DOCK8: variants seen among roughly 807,000 people sequenced by gnomAD.
The protein encoded by DOCK8 is dedicator of cytokinesis protein 8.
A neutral mutation model predicts 245.6 loss-of-function variants in DOCK8; 141 were observed. That is an observed-to-expected ratio of 0.57 (90% CI 0.50 to 0.66). The LOEUF (loss-of-function observed/expected upper bound fraction) is 0.66. Ranked by LOEUF, DOCK8 falls within the 30% of genes least tolerant of loss-of-function variation. DOCK8 has a pLI of 0.00. For missense variants in DOCK8, 2,965 were observed against 2,603.4 expected (o/e 1.14, Z -3.02); for synonymous variants, 1,168 against 970.2 (o/e 1.20, Z -3.79).
intron 44 of DOCK8, 124 bp downstream of exon 44, chr9:446,730 T>C (rs1296533375): frequency 4.7e-6 from 4 of 859,724 alleles, no homozygotes; most frequent in South Asian, 1.4e-5. Context: ...TGAAATATGA[T>C]TATATGGTTG....
At chr9:390,383 A>G in intron 23 of DOCK8, 88 bp from the exon 24 acceptor site, 1 of 1,222,110 alleles carries the variant, frequency 8.2e-7, no homozygotes, top group South Asian at 1.3e-5. Flanking sequence ...AAGCTATTAA[A>G]TTGGGGGGAA....
At chr9:260,902 C>G (rs937119439) in intron 1 of DOCK8, among the ~76,000 whole-genome samples, 1 of 152,144 alleles carries the variant, frequency 6.6e-6, no homozygotes, top group Admixed American at 6.5e-5. Context: ...AGACGACTCT[C>G]AAGTACTGTA....
intron 1 of DOCK8, among the ~76,000 whole-genome samples, chr9:250,489 C>T (rs964810310): frequency 1.3e-5 from 2 of 152,178 alleles, no homozygotes; most frequent in African/African-American, 2.4e-5. Context: ...AAACAAGACC[C>T]TCTGATACCA....
intron 1 of DOCK8, among the ~76,000 whole-genome samples, chr9:252,801 A>AAG (rs2047681761): frequency 6.6e-6 from 1 of 151,894 alleles, no homozygotes; most frequent in African/African-American, 2.4e-5. Context: ...CCATCTCAAA[A>AAG]AAAAAAAAAG....
rs538835600 is a variant in DOCK8, at chr9:243,990, C to A, written c.54-27637C>A. ...ACGAGGTCAGGAGATCGAGACCATC[C>A]TGGCTAACATGGTGAAACCCCGTCT... is the stretch of plus-strand genomic sequence containing the variant. On this transcript the variant is annotated intron_variant, in intron 1 of 47. Transcript: ENST00000432829. Among the ~76,000 whole-genome samples the A allele has an allele frequency of 6.6e-5, 10 of 152,054 alleles. No homozygotes were observed. The South Asian group carries it at 2.1e-3, about 32-fold the overall frequency.
At chr9:393,682 T>C (rs1002692979) in intron 24 of DOCK8, among the ~76,000 whole-genome samples, 1 of 152,164 alleles carries the variant, frequency 6.6e-6, no homozygotes, top group African/African-American at 2.4e-5. Context: ...GGTAAACAGA[T>C]GAAGTTTTTT....
intron 1 of DOCK8, among the ~76,000 whole-genome samples, chr9:223,585 A>G (rs997207774): frequency 7.9e-5 from 12 of 152,090 alleles, no homozygotes; most frequent in African/African-American, 2.2e-4. Flanking sequence ...GGACTGGAGT[A>G]CATTTATTTT....
At chr9:444,558 A>G (rs2131830854) in intron 43 of DOCK8, among the ~76,000 whole-genome samples, 1 of 152,006 alleles carries the variant, frequency 6.6e-6, no homozygotes, top group Middle Eastern at 3.4e-3. Flanking sequence ...GTGTCCAGAG[A>G]TTTTGTTGGG....
intron 4 of DOCK8, among the ~76,000 whole-genome samples, chr9:296,864 C>T (rs2049280245): frequency 6.6e-6 from 1 of 152,200 alleles, no homozygotes; most frequent in South Asian, 2.1e-4. Context: ...TCCAAACCCA[C>T]TAAGACTCTC....
chr9:313,717 A>G lies in DOCK8; in HGVS notation c.741+1551A>G, dbSNP rs151008120. Among the ~76,000 whole-genome samples, 352 of 152,364 alleles carry G rather than the reference A, an allele frequency of 2.3e-3. 1 individual carries two copies. Among genetic ancestry groups the G allele is most frequent in the African/African-American group, 8.3e-3 (344 of 41,580 alleles). On this transcript the variant is annotated intron_variant, in intron 6 of 47. Transcript: ENST00000432829. ...TGACCAGAGTTAATAATAATGTGTT[A>G]CATATTTCAAAACTGCTTTAAAAAA... is the stretch of plus-strand genomic sequence containing the variant.
intron 7 of DOCK8, among the ~76,000 whole-genome samples, chr9:319,531 A>G (rs568287035): frequency 3.3e-5 from 5 of 152,334 alleles, no homozygotes; most frequent in Admixed American, 6.5e-5. Flanking sequence ...GAAAGAAACA[A>G]ATTCTTATAG....
At chr9:310,750 A>G (rs148711334) in intron 5 of DOCK8, among the ~76,000 whole-genome samples, 4 of 152,278 alleles carry the variant, frequency 2.6e-5, no homozygotes, top group East Asian at 1.9e-4. Context: ...CATGAGCCCA[A>G]TATTTTAAAA....
chr9:377,142 T>G lies in DOCK8; in HGVS notation c.2371T>G (p.Phe791Val). The G allele has an allele frequency of 1.2e-6, 2 of 1,607,722 alleles. No homozygotes were observed. The highest frequency in any genetic ancestry group is 8.5e-7 in the Non-Finnish European group (1 of 1,179,744). The change falls in exon 20 of 48, where the codon TTC becomes GTC. Residue 791 changes from phenylalanine (F) to valine (V), a missense_variant. Transcript: ENST00000432829. ...NSSRLEPLVL[F>V]LHLVLDKLFQ... Reference sequence around the variant, plus strand: ...CTCCCGCCTGGAGCCGCTCGTGCTCTTCCTGCACCTGGTGCTGGACAAGCT... The same window carrying G: ...CTCCCGCCTGGAGCCGCTCGTGCTCGTCCTGCACCTGGTGCTGGACAAGCT...
chr9:418,924 A>AAG (rs2056153961), intron 30 of DOCK8, among the ~76,000 whole-genome samples: 1 of 151,542 alleles, frequency 6.6e-6, no homozygotes, highest in Admixed American at 6.6e-5. Flanking sequence ...AGCTTAGCGT[A>AAG]AGGGCTTCTT....
Position 418,052 on chromosome 9 carries a change from G to A in DOCK8, c.3701-16G>A, listed in dbSNP as rs548026622. 104 of 1,614,110 alleles carry A rather than the reference G, an allele frequency of 6.4e-5. 2 individuals carry two copies. The South Asian group carries it at 8.3e-4, about 13-fold the overall frequency. ...TCATGTTTGACTTGACATCACAAAC[G>A]ATGTTTTCATTGCAGTTGCAGATAC... On this transcript the variant is annotated splice_polypyrimidine_tract_variant and intron_variant, in intron 29 of 47. Coordinates refer to ENST00000432829, the MANE Select transcript of DOCK8 (RefSeq NM_203447.4).
At chr9:411,142 G>T (rs933726658) in intron 28 of DOCK8, among the ~76,000 whole-genome samples, 1 of 152,208 alleles carries the variant, frequency 6.6e-6, no homozygotes, top group Admixed American at 6.5e-5. Context: ...GCTGGGCGCA[G>T]TGGCTCATAC....
At chr9:446,128 T>C (rs1204427080) in intron 43 of DOCK8, among the ~76,000 whole-genome samples, 1 of 152,230 alleles carries the variant, frequency 6.6e-6, no homozygotes, top group East Asian at 1.9e-4. Context: ...GCTAGGAAGG[T>C]GCGGCCGGTG....
intron 1 of DOCK8, chr9:267,915 A>G (rs1441416120): frequency 6.6e-6 from 1 of 152,160 alleles, no homozygotes. Flanking sequence ...CACGGTGTAT[A>G]TTTCCCAAAG....
At chr9:339,307 A>G (rs1056429399) in intron 13 of DOCK8, among the ~76,000 whole-genome samples, 1 of 152,228 alleles carries the variant, frequency 6.6e-6, no homozygotes, top group African/African-American at 2.4e-5. Flanking sequence ...GATTTAGTAA[A>G]CAAACCTTGT....
Sources: allele counts gnomAD v4.1 joint callset (sites outside exome capture counted in the v4.1 genomes callset), GRCh38; gene constraint gnomAD v4.1.1; transcripts MANE v1.5; gene names NCBI Gene and HGNC (gene_info 2026-07-23, HGNC 2026-07-21).